ABCA13: variants seen among roughly 807,000 people sequenced by gnomAD.
ABCA13 encodes the protein ATP binding cassette subfamily A member 13, also known as ATP-binding cassette sub-family A member 13.
ABCA13 carries 476 observed loss-of-function variants against 478.7 expected under a neutral mutation model. The ratio of observed to expected loss-of-function variants is 0.99; its 90% CI spans 0.92 to 1.07. The LOEUF is 1.07. ABCA13 is among the 50% of genes least tolerant of loss of function. ABCA13 has a pLI of 0.00. For synonymous variants in ABCA13, 2,252 were observed against 2,158.9 expected (o/e 1.04, Z -1.20); for missense variants, 6,060 against 5,910.6 (o/e 1.03, Z -0.83).
intron 31 of ABCA13, among the ~76,000 whole-genome samples, chr7:48,364,017 G>A (rs146788415): frequency 6.6e-6 from 1 of 152,200 alleles, no homozygotes; most frequent in East Asian, 1.9e-4. Context: ...TTGCCCAAAT[G>A]TTGTGCTAAA....
intron 42 of ABCA13, among the ~76,000 whole-genome samples, chr7:48,437,945 C>T (rs572930494): frequency 3.3e-5 from 5 of 152,164 alleles, no homozygotes; most frequent in African/African-American, 1.2e-4. Flanking sequence ...ATCCCAGTGC[C>T]TCAAATGTTC....
chr7:48,544,985 C>T (rs549196432), intron 55 of ABCA13, among the ~76,000 whole-genome samples: 2 of 151,960 alleles, frequency 1.3e-5, no homozygotes, highest in South Asian at 4.2e-4. Flanking sequence ...GGGAGAAATC[C>T]CCACACATTT....
At chr7:48,428,799 TA>T (rs1821763545) in intron 42 of ABCA13, among the ~76,000 whole-genome samples, 1 of 152,234 alleles carries the variant, frequency 6.6e-6, no homozygotes, top group East Asian at 1.9e-4. Flanking sequence ...TATTGAGATA[TA>T]ATTCACATAA....
Position 48,611,931 on chromosome 7 carries a change from T to C in ABCA13, c.14745-3354T>C, listed in dbSNP as rs1585980004. The C allele has an allele frequency of 2.6e-5, 4 of 152,294 alleles. No individual in the cohort carries two copies. The East Asian group carries it at 7.7e-4, about 29-fold the overall frequency. 9.4% of individuals were successfully genotyped at this position (152,294 alleles called of 1,614,324 possible). The stretch of plus-strand genomic sequence containing the variant: ...AGAAATATGTGTTTGTACAGGAAAA[T>C]ATATAAAGCATATTTGGAAAATTTA... On this transcript the variant is annotated intron_variant, in intron 58 of 61. Transcript: ENST00000435803.
chr7:48,275,175 A>C lies in ABCA13; in HGVS notation c.5509A>C (p.Lys1837Gln), dbSNP rs1325611902. ...HTNSGFRQNS[K>Q]IDPCNVHGLM... ...AAATTCTGGATTTCGGCAGAATTCA[A>C]AGATAGACCCCTGCAATGTCCATGG... The change falls in exon 17 of 62, where the codon AAG becomes CAG. Residue 1837 changes from lysine (K) to glutamine (Q), a missense_variant. This residue lies in a region of ABCA13 where 4,423 missense variants were observed against 4,309.1 expected (regional missense o/e 1.03). Coordinates refer to ENST00000435803, the MANE Select transcript of ABCA13 (RefSeq NM_152701.5). 1 of 1,613,932 alleles carries C rather than the reference A, an allele frequency of 6.2e-7. No homozygotes were observed. The highest frequency in any genetic ancestry group is 1.7e-5 in the Admixed American group (1 of 59,992).
At chr7:48,253,701 C>T (rs1282927972) in intron 15 of ABCA13, among the ~76,000 whole-genome samples, 1 of 152,150 alleles carries the variant, frequency 6.6e-6, no homozygotes, top group Non-Finnish European at 1.5e-5. Context: ...CCAGGCTGGT[C>T]CCAAACTCCT....
intron 29 of ABCA13, among the ~76,000 whole-genome samples, chr7:48,347,640 G>A (rs1024585726): frequency 1.3e-5 from 2 of 152,206 alleles, no homozygotes; most frequent in Admixed American, 1.3e-4. Flanking sequence ...GATAAATTGG[G>A]ATGCTGAGTG....
chr7:48,643,566 T>C (rs1795254861), intron 60 of ABCA13, among the ~76,000 whole-genome samples, 173 bp downstream of exon 60: 1 of 152,252 alleles, frequency 6.6e-6, no homozygotes, highest in Non-Finnish European at 1.5e-5. Flanking sequence ...ATAGCTGATA[T>C]TGCTTGACCA....
At position 48,275,489 on chromosome 7, in the gene ABCA13, A is replaced by G. The variant is rs1796179396; in HGVS notation, c.5823A>G (p.Glu1941=). 6.2e-7 allele frequency: 1 copy of G among 1,613,862 alleles called. No homozygotes were observed. The highest frequency in any genetic ancestry group is 8.5e-7 in the Non-Finnish European group (1 of 1,179,842). ...SINQTRDSIS[E]LCPSGSIKQV... Reference sequence around the variant, plus strand: ...ATCAAACTAGGGATAGCATCTCTGAACTCTGTCCTAGTGGTTCCATAAAGC... The same window carrying G: ...ATCAAACTAGGGATAGCATCTCTGAGCTCTGTCCTAGTGGTTCCATAAAGC... The change falls in exon 17 of 62, where the codon GAA becomes GAG. Residue 1941 remains glutamate, a synonymous_variant. Coordinates refer to ENST00000435803, the MANE Select transcript of ABCA13 (RefSeq NM_152701.5).
chr7:48,393,030 T>C (rs1391498443), intron 38 of ABCA13, among the ~76,000 whole-genome samples: 1 of 152,018 alleles, frequency 6.6e-6, no homozygotes, highest in East Asian at 1.9e-4. Context: ...GTATCCAGGA[T>C]GGGAAGCAAG....
At chr7:48,302,378 A>G (rs6954968) in intron 23 of ABCA13, among the ~76,000 whole-genome samples, 106,958 of 152,092 alleles carry the variant, frequency 0.7, 38,343 homozygotes, top group East Asian at 0.96. Flanking sequence ...AGGGGTGCAT[A>G]TGCTGGTTTG....
At chr7:48,189,847 G>A (rs1796860130) in intron 1 of ABCA13, among the ~76,000 whole-genome samples, 1 of 152,112 alleles carries the variant, frequency 6.6e-6, no homozygotes. Flanking sequence ...GAAAGTATTT[G>A]TAATACCATA....
At position 48,198,350 on chromosome 7, in the gene ABCA13, C is replaced by A; in HGVS notation, c.277C>A (p.His93Asn). Residue 93 changes from histidine (H) to asparagine (N), a missense_variant, in exon 3 of 62, where the codon CAT becomes AAT. By Grantham distance (68) the His-to-Asn change is moderately conservative. Coordinates refer to ENST00000435803, the MANE Select transcript of ABCA13 (RefSeq NM_152701.5). ...RNFSYEGSME[H>N]HFRLSRFQTA... ...CTTCAGCTATGAAGGGTCAATGGAG[C>A]ATCATTTTCGGTAAGAGAAACACAA... The A allele has an allele frequency of 6.2e-7, 1 of 1,613,354 alleles. No individual in the cohort carries two copies. The highest frequency in any genetic ancestry group is 8.5e-7 in the Non-Finnish European group (1 of 1,179,670).
Position 48,276,020 on chromosome 7 carries a change from T to G in ABCA13, c.6354T>G (p.Ile2118Met). ...CACCGTCATTGAAGACATTAGAAATTATTGAAGATTTTCTATTGGTCACAA... is the reference window on the plus strand; with the variant it reads ...CACCGTCATTGAAGACATTAGAAATGATTGAAGATTTTCTATTGGTCACAA... Reference protein sequence around the residue: ...LDSPSLKTLEIIEDFLLVTKN... With the variant: ...LDSPSLKTLEMIEDFLLVTKN... The change falls in exon 17 of 62, where the codon ATT becomes ATG. Residue 2118 changes from isoleucine (I) to methionine (M), a missense_variant. Coordinates refer to ENST00000435803, the MANE Select transcript of ABCA13 (RefSeq NM_152701.5). 1 of 1,611,100 alleles carries G rather than the reference T, an allele frequency of 6.2e-7. No homozygotes were observed. Among genetic ancestry groups the G allele is most frequent in the East Asian group, 2.2e-5 (1 of 44,792 alleles).
intron 45 of ABCA13, among the ~76,000 whole-genome samples, chr7:48,478,510 TTATC>T (rs921726926): frequency 1.1e-4 from 17 of 152,060 alleles, no homozygotes; most frequent in Non-Finnish European, 2.4e-4. Flanking sequence ...TACAGAGTGA[TTATC>T]TATCCCCCAA....
At position 48,273,872 on chromosome 7, in the gene ABCA13, C is replaced by A. The variant is rs1357014742; in HGVS notation, c.4206C>A (p.Asn1402Lys). ...GCATTGTATGGTTAGATGTCATAAA[C>A]CATTTGTATTTGTTGTCTAACTCCA... Reference protein sequence around the residue: ...KGCIVWLDVINHLYLLSNSSF... With the variant: ...KGCIVWLDVIKHLYLLSNSSF... Residue 1402 changes from asparagine (N) to lysine (K), a missense_variant, in exon 17 of 62, where the codon AAC becomes AAA. Asn to Lys is a moderately conservative substitution (Grantham distance 94). This residue lies in a region of ABCA13 where 4,423 missense variants were observed against 4,309.1 expected (regional missense o/e 1.03). Transcript: ENST00000435803. 1.2e-6 allele frequency: 2 copies of A among 1,612,632 alleles called. No homozygotes were observed. Among genetic ancestry groups the A allele is most frequent in the East Asian group, 4.5e-5 (2 of 44,750 alleles).
intron 57 of ABCA13, among the ~76,000 whole-genome samples, chr7:48,593,467 A>G (rs1255893349): frequency 6.6e-6 from 1 of 151,796 alleles, no homozygotes; most frequent in Non-Finnish European, 1.5e-5. Flanking sequence ...TTGTATTTCC[A>G]TTAAAAAATT....
chr7:48,558,949 A>G (rs1197724487), intron 55 of ABCA13, among the ~76,000 whole-genome samples: 1 of 152,204 alleles, frequency 6.6e-6, no homozygotes. Context: ...GGCTACTGTC[A>G]TAGTGGCAGC....
chr7:48,308,241 C>G (rs1801201588), intron 23 of ABCA13, among the ~76,000 whole-genome samples: 1 of 152,182 alleles, frequency 6.6e-6, no homozygotes, highest in Non-Finnish European at 1.5e-5. Context: ...GCTTGTCCCA[C>G]TGGGCGGTCT....
Sources: allele counts gnomAD v4.1 joint callset (sites outside exome capture counted in the v4.1 genomes callset), GRCh38; gene constraint gnomAD v4.1.1; regional missense constraint gnomAD v4.1.1; transcripts MANE v1.5; gene names NCBI Gene and HGNC (gene_info 2026-07-23, HGNC 2026-07-21).